OR3A2: variants seen among roughly 807,000 people sequenced by gnomAD.
OR3A2 encodes the protein olfactory receptor family 3 subfamily A member 2.
For missense variants in OR3A2, 318 were observed against 392.8 expected (o/e 0.81, Z 1.61); for synonymous variants, 126 against 159.3 (o/e 0.79, Z 1.57).
At chr17:3,358,125 G>A (rs1389580071) in intron 2 of OR3A2, among the ~76,000 whole-genome samples, 1 of 151,492 alleles carries the variant, frequency 6.6e-6, no homozygotes, top group East Asian at 1.9e-4. Context: ...CCATCACTCT[G>A]GGCTGAATTA....
At chr17:3,331,218 A>T (rs7502513) in intron 3 of OR3A2, among the ~76,000 whole-genome samples, 85,313 of 151,064 alleles carry the variant, frequency 0.56, 24,674 homozygotes, top group Admixed American at 0.68. Flanking sequence ...TCAAGGAGTA[A>T]CTTTGTGGCG....
chr17:3,325,485 C>A (rs1314775609), intron 3 of OR3A2, among the ~76,000 whole-genome samples: 2 of 152,022 alleles, frequency 1.3e-5, no homozygotes, highest in Admixed American at 1.3e-4. Context: ...GCTGGGATTA[C>A]AGGAGTGAGC....
intron 3 of OR3A2, chr17:3,292,462 T>C (rs199817047): frequency 6.2e-7 from 1 of 1,612,248 alleles, no homozygotes; most frequent in Non-Finnish European, 8.5e-7. Context: ...CCCCTGACCG[T>C]GACCAGGTAG....
intron 2 of OR3A2, among the ~76,000 whole-genome samples, chr17:3,336,858 G>A (rs1049383396): frequency 6.6e-6 from 1 of 152,122 alleles, no homozygotes. Context: ...TGTTTTCTGA[G>A]TAAACAAACG....
intron 3 of OR3A2, among the ~76,000 whole-genome samples, chr17:3,298,794 G>A (rs2048940993): frequency 6.6e-6 from 1 of 152,168 alleles, no homozygotes; most frequent in East Asian, 1.9e-4. Flanking sequence ...GTGCAGGCCT[G>A]TGCTCCGGAG....
intron 2 of OR3A2, among the ~76,000 whole-genome samples, chr17:3,379,882 T>G (rs2150668912): frequency 6.6e-6 from 1 of 152,312 alleles, no homozygotes; most frequent in Non-Finnish European, 1.5e-5. Flanking sequence ...ACCTCAGTTC[T>G]GGCTTCCCAC....
chr17:3,313,008 G>A (rs1016329669), intron 3 of OR3A2, among the ~76,000 whole-genome samples: 1 of 152,214 alleles, frequency 6.6e-6, no homozygotes, highest in African/African-American at 2.4e-5. Flanking sequence ...TAGTAAAGGT[G>A]AGGAGACTGA....
chr17:3,337,612 T>G (rs2049283297), intron 2 of OR3A2, among the ~76,000 whole-genome samples: 1 of 152,178 alleles, frequency 6.6e-6, no homozygotes, highest in Admixed American at 6.5e-5. Flanking sequence ...ACTCATCATT[T>G]TTTATGGCTG....
At chr17:3,382,837 C>G (rs1019907646) in intron 2 of OR3A2, among the ~76,000 whole-genome samples, 1 of 152,348 alleles carries the variant, frequency 6.6e-6, no homozygotes, top group East Asian at 1.9e-4. Context: ...ACCACTCCCA[C>G]TTTGTTCATG....
At chr17:3,338,985 C>T (rs1458840618) in intron 2 of OR3A2, among the ~76,000 whole-genome samples, 1 of 152,142 alleles carries the variant, frequency 6.6e-6, no homozygotes, top group African/African-American at 2.4e-5. Flanking sequence ...TCCTTCACAA[C>T]CTTTGTAAGT....
At chr17:3,376,717 A>G (rs1038866138) in intron 2 of OR3A2, among the ~76,000 whole-genome samples, 1 of 151,988 alleles carries the variant, frequency 6.6e-6, no homozygotes, top group African/African-American at 2.4e-5. Flanking sequence ...CCACTGAGAA[A>G]GCAAGCAGGG....
At chr17:3,363,753 T>C (rs754405942) in intron 2 of OR3A2, among the ~76,000 whole-genome samples, 6 of 152,210 alleles carry the variant, frequency 3.9e-5, no homozygotes, top group Non-Finnish European at 7.3e-5. Flanking sequence ...AGAGGTTTGG[T>C]TGACTCATAG....
At chr17:3,371,887 A>C (rs1292094789) in intron 2 of OR3A2, among the ~76,000 whole-genome samples, 9 of 107,810 alleles carry the variant, frequency 8.3e-5, no homozygotes, top group African/African-American at 1.1e-4. Flanking sequence ...TGACCCCCCC[A>C]CCTCCCTCCC....
intron 2 of OR3A2, among the ~76,000 whole-genome samples, chr17:3,348,528 T>C (rs2049390083): frequency 1.3e-5 from 2 of 152,122 alleles, no homozygotes; most frequent in South Asian, 4.1e-4. Flanking sequence ...TATGGGACTA[T>C]GTGAAAAGAC....
At chr17:3,362,040 T>C (rs1311123065) in intron 2 of OR3A2, among the ~76,000 whole-genome samples, 2 of 151,756 alleles carry the variant, frequency 1.3e-5, no homozygotes, top group Admixed American at 6.5e-5. Flanking sequence ...TGAATCCGTC[T>C]AGTCCTGGAC....
intron 2 of OR3A2, among the ~76,000 whole-genome samples, chr17:3,372,002 G>A (rs1447138574): frequency 8.9e-6 from 1 of 112,466 alleles, no homozygotes; most frequent in Non-Finnish European, 1.8e-5. Flanking sequence ...TGGCTGCCGG[G>A]CAGAGGGGCT....
intron 2 of OR3A2, among the ~76,000 whole-genome samples, chr17:3,374,795 T>C (rs2049665497): frequency 6.6e-6 from 1 of 152,200 alleles, no homozygotes; most frequent in Admixed American, 6.5e-5. Flanking sequence ...TCTGAGATTG[T>C]GGTGCACTCA....
chr17:3,373,015 G>C (rs527907876), intron 2 of OR3A2, among the ~76,000 whole-genome samples: 23 of 152,258 alleles, frequency 1.5e-4, no homozygotes, highest in African/African-American at 5.3e-4. Flanking sequence ...CTCTTATTCA[G>C]TTGAAATAAT....
At chr17:3,280,278 T>TC (rs2150616080) in intron 1 of OR3A2, among the ~76,000 whole-genome samples, 1 of 152,034 alleles carries the variant, frequency 6.6e-6, no homozygotes, top group East Asian at 1.9e-4. Context: ...TTCAGATTTT[T>TC]TTTTTTTTTT....
Sources: gnomAD v4.1 joint callset for allele counts (sites outside exome capture counted in the v4.1 genomes callset) on GRCh38, gnomAD v4.1.1 for gene constraint, MANE v1.5 for transcripts, NCBI Gene and HGNC (gene_info 2026-07-23, HGNC 2026-07-21) for gene names.